Variants in PHF20L1 observed in about 807,000 individuals in gnomAD.
PHF20L1 encodes the protein PHD finger protein 20 like 1.
In PHF20L1, 44 loss-of-function variants were observed where a neutral mutation model predicts 125.5. The ratio of observed to expected loss-of-function variants is 0.35; its 90% CI spans 0.28 to 0.45. PHF20L1 has a LOEUF of 0.45. Ranked by LOEUF, PHF20L1 falls within the 20% of genes least tolerant of loss-of-function variation. The pLI, the probability that PHF20L1 is intolerant of heterozygous loss-of-function variation, is 1.00. For synonymous variants in PHF20L1, 380 were observed against 403.1 expected, an observed-to-expected ratio of 0.94 and a Z score of 0.69; for missense variants, 1,012 against 1,217.2, an observed-to-expected ratio of 0.83 and a Z score of 2.51.
intron 9 of PHF20L1, chr8:132,811,724 A>G (rs758004765): frequency 1.2e-4 from 115 of 985,202 alleles, no homozygotes; most frequent in Non-Finnish European, 1.4e-4. Flanking sequence ...GATTCCCACA[A>G]TACTTGTACA....
In PHF20L1 at chr8:132,846,552, AAAAC is replaced by A. The variant is rs1389017615; in HGVS notation, c.*635_*638del. ...CTTACTTCATTATGAATGTATTTAA[AAAAC>A]AAACACCAAATAATTGGAATATATT... On this transcript the variant is annotated 3_prime_UTR_variant, in exon 21 of 21. Transcript: ENST00000395386. 1 of 152,586 alleles carries A rather than the reference AAAAC, an allele frequency of 6.6e-6. No individual in the cohort carries two copies. The highest frequency in any genetic ancestry group is 2.4e-5 in the African/African-American group (1 of 41,450). 9.5% of individuals were successfully genotyped at this position (152,586 alleles called of 1,614,324 possible).
At chr8:132,834,892 C>A (rs941457598) in intron 15 of PHF20L1, among the ~76,000 whole-genome samples, 3 of 151,424 alleles carry the variant, frequency 2.0e-5, no homozygotes, top group African/African-American at 7.3e-5. Flanking sequence ...TCCGTATGTC[C>A]CTGTGACTTC....
rs186937717 is a variant in PHF20L1 at position 132,835,374 on chromosome 8, G to A, written c.1910-1166G>A. ...AGGAGCTCACACAGCATTATACGATGTTCTGTTTCTCATGATGACTCAGTT... is the reference window on the plus strand; with the variant it reads ...AGGAGCTCACACAGCATTATACGATATTCTGTTTCTCATGATGACTCAGTT... On this transcript the variant is annotated intron_variant, in intron 15 of 20. Transcript: ENST00000395386. Among the ~76,000 whole-genome samples, 3 of 152,196 alleles carry A rather than the reference G, an allele frequency of 2.0e-5. No homozygotes were observed. The East Asian group carries it at 5.8e-4, about 30-fold the overall frequency.
At chr8:132,790,299 A>T (rs77187771) in intron 2 of PHF20L1, among the ~76,000 whole-genome samples, 2 of 152,186 alleles carry the variant, frequency 1.3e-5, no homozygotes, top group Non-Finnish European at 2.9e-5. Flanking sequence ...TCAAAACATT[A>T]CTATGAGCCA....
At chr8:132,836,511 T>A in intron 15 of PHF20L1, 29 bp from the exon 16 acceptor site, 1 of 1,416,992 alleles carries the variant, frequency 7.1e-7, no homozygotes, top group Non-Finnish European at 9.8e-7. Context: ...GAAAAGTTGT[T>A]CTAAGTATAC....
intron 6 of PHF20L1, among the ~76,000 whole-genome samples, chr8:132,801,026 A>C (rs918902821): frequency 3.3e-5 from 5 of 151,550 alleles, no homozygotes; most frequent in Admixed American, 2.0e-4. Context: ...ACTGACATAT[A>C]TTATAGGAGG....
intron 12 of PHF20L1, chr8:132,818,910 T>G (rs1835275214): frequency 6.6e-6 from 1 of 151,922 alleles, no homozygotes; most frequent in African/African-American, 2.4e-5. Context: ...TTTACATTTT[T>G]CTTTAAAAGT....
intron 19 of PHF20L1, chr8:132,843,687 C>G (rs1446142276): frequency 1.0e-6 from 1 of 984,660 alleles, no homozygotes; most frequent in Non-Finnish European, 1.2e-6. Context: ...GCCTTTCCCT[C>G]CCTTCATTGA....
At chr8:132,788,809 T>G (rs1368016580) in intron 2 of PHF20L1, 1 of 152,106 alleles carries the variant, frequency 6.6e-6, no homozygotes, top group Non-Finnish European at 1.5e-5. Flanking sequence ...CCTAGGATAA[T>G]GAAGCGCTGA....
At chr8:132,810,717 T>C (rs1465489303) in intron 8 of PHF20L1, 1 of 213,402 alleles carries the variant, frequency 4.7e-6, no homozygotes, top group Non-Finnish European at 9.5e-6. Flanking sequence ...TTATAAGTAT[T>C]AGCAACCTGA....
rs1415087976 is a variant in PHF20L1 at position 132,792,601 on chromosome 8, C to G, written c.84-1809C>G. ...TCTTTAAAGCGGCTTCTTACGCCTG[C>G]AGACATTCCCGCCTTTCTTTAAAGC... On this transcript the variant is annotated intron_variant, in intron 2 of 20. Transcript: ENST00000395386. 3.3e-5 allele frequency among the ~76,000 whole-genome samples: 5 copies of G among 152,188 alleles called. No homozygotes were observed. The East Asian group carries it at 7.7e-4, about 23-fold the overall frequency.
At chr8:132,802,622 GA>G (rs1412282899) in intron 6 of PHF20L1, among the ~76,000 whole-genome samples, 3 of 151,742 alleles carry the variant, frequency 2.0e-5, no homozygotes, top group Admixed American at 1.3e-4. Context: ...GTATTCAATA[GA>G]AAATTGTTGA....
At chr8:132,806,827 A>C (rs1488452795) in intron 8 of PHF20L1, 1 of 151,968 alleles carries the variant, frequency 6.6e-6, no homozygotes, top group Admixed American at 6.6e-5. Context: ...TGGGGCTGGG[A>C]TCATGGCAGC....
intron 5 of PHF20L1, 89 bp from the exon 6 acceptor site, chr8:132,799,006 A>G: frequency 8.0e-7 from 1 of 1,245,336 alleles, no homozygotes; most frequent in East Asian, 2.5e-5. Context: ...AAGAAAAGGA[A>G]GCTTAGACTG....
At position 132,839,374 on chromosome 8, in the gene PHF20L1, A is replaced by C; in HGVS notation, c.2192-13A>C. 2 of 1,600,180 alleles carry C rather than the reference A, an allele frequency of 1.2e-6. No homozygotes were observed. Among genetic ancestry groups the C allele is most frequent in the Admixed American group, 1.7e-5 (1 of 59,834 alleles). On this transcript the variant is annotated splice_polypyrimidine_tract_variant and intron_variant, in intron 17 of 20. Transcript: ENST00000395386. The stretch of plus-strand genomic sequence containing the variant: ...TGCAGTCCTCTGTGATTTAATATCA[A>C]CTTCATCTGCAGGTCAGAGGTGGAG...
chr8:132,778,304 G>A (rs1830051733), intron 2 of PHF20L1, among the ~76,000 whole-genome samples: 1 of 152,194 alleles, frequency 6.6e-6, no homozygotes, highest in Non-Finnish European at 1.5e-5. Context: ...TGGTCTGTCA[G>A]TGGTAGTCTT....
chr8:132,799,226 A>C, intron 6 of PHF20L1, 54 bp downstream of exon 6: 3 of 997,226 alleles, frequency 3.0e-6, no homozygotes, highest in Non-Finnish European at 3.0e-6. Flanking sequence ...ATATAATGTC[A>C]TTTAGAAAGT....
Position 132,794,938 on chromosome 8 carries a change from GTATT to G in PHF20L1, c.340+122_340+125del, listed in dbSNP as rs200935077. ...CGTATAACTTTTATATTTTCTGTAA[GTATT>G]CTTTTTCGGGAGCATTTGATTTGTT... On this transcript the variant is annotated intron_variant, in intron 4 of 20. Transcript: ENST00000395386. 8.4e-3 allele frequency: 5,421 copies of G among 645,524 alleles called. 139 individuals are homozygous for G. Among genetic ancestry groups the G allele is most frequent in the African/African-American group, 0.069 (3,698 of 53,964 alleles). The allele number at this position is 645,524 out of a possible 1,614,324, so 40.0% of individuals were successfully genotyped here.
At chr8:132,810,961 T>G (rs1222758861) in intron 8 of PHF20L1, 85 bp from the exon 9 acceptor site, 5 of 823,202 alleles carry the variant, frequency 6.1e-6, no homozygotes, top group South Asian at 1.4e-5. Context: ...ATAGGAAATT[T>G]CAACTGCTAA....
Sources: allele counts gnomAD v4.1 joint callset (sites outside exome capture counted in the v4.1 genomes callset), GRCh38; gene constraint gnomAD v4.1.1; transcripts MANE v1.5; gene names NCBI Gene and HGNC (gene_info 2026-07-23, HGNC 2026-07-21).